Variants in KRT5 observed in about 807,000 individuals in gnomAD.
The protein encoded by KRT5 is keratin, type II cytoskeletal 5.
KRT5 carries 17 observed loss-of-function variants against 44.0 expected under a neutral mutation model. The ratio of observed to expected loss-of-function variants is 0.39; its 90% confidence interval spans 0.26 to 0.58. The LOEUF (loss-of-function observed/expected upper bound fraction) is 0.58. Ranked by LOEUF, KRT5 falls within the 20% of genes least tolerant of loss-of-function variation. The probability of loss-of-function intolerance (pLI) is 0.61; values close to 1 mark genes in which losing one functional copy is unlikely to be tolerated. For missense variants in KRT5, 737 were observed against 785.5 expected (o/e 0.94, Z 0.74); for synonymous variants, 329 against 312.8 (o/e 1.05, Z -0.55).
In KRT5 at chr12:52,520,192, C is replaced by T. The variant is rs764528228; in HGVS notation, c.105G>A (p.Val35=). Residue 35 remains valine (V), a synonymous_variant, in exon 1 of 9, where the codon GTG becomes GTA. Coordinates refer to ENST00000252242, the MANE Select transcript of KRT5 (RefSeq NM_000424.4). ...PSVSRTSFTS[V]SRSGGGGGGG... Reference sequence around the variant, plus strand: ...CACCACCGCCACCCCCGGACCGGGACACGGAGGTGAAGCTGGTGCGGGAGA... The same window carrying T: ...CACCACCGCCACCCCCGGACCGGGATACGGAGGTGAAGCTGGTGCGGGAGA... 6.2e-7 allele frequency: 1 copy of T among 1,614,088 alleles called. No homozygotes were observed. The highest frequency in any genetic ancestry group is 1.1e-5 in the South Asian group (1 of 91,076).
chr12:52,520,114 G>T lies in KRT5; in HGVS notation c.183C>A (p.Gly61=), dbSNP rs995777805. 2 of 1,614,048 alleles carry T rather than the reference G, an allele frequency of 1.2e-6. No individual in the cohort carries two copies. Among genetic ancestry groups the T allele is most frequent in the Non-Finnish European group, 1.7e-6 (2 of 1,179,974 alleles). ...LAGACGVGGY[G]SRSLYNLGGS... is the part of the protein sequence containing the mutation. ...CCCCCAGGTTGTAGAGGCTCCGGCTGCCATAGCCACCCACTCCACAAGCAC... is the reference window on the plus strand; with the variant it reads ...CCCCCAGGTTGTAGAGGCTCCGGCTTCCATAGCCACCCACTCCACAAGCAC... Residue 61 remains glycine (G), a synonymous_variant, in exon 1 of 9, where the codon GGC becomes GGA. Transcript: ENST00000252242.
Position 52,515,163 on chromosome 12 carries a change from C to A in KRT5, c.1552G>T (p.Gly518Cys), listed in dbSNP as rs370820008. ...CCGGCAAGACCTCCACCGAGGCCGC[C>A]GCCAAGACCTCCACCGAGGCCACCG... ...YGGGLGGGLG[G>C]GLGGGLAGGS... Residue 518 changes from glycine (G) to cysteine (C), a missense_variant, in exon 9 of 9, where the codon GGC becomes TGC. Around this residue, in one of 5 missense-constraint regions of KRT5, gnomAD observed 344 missense variants for 351.6 expected, o/e 0.98. Transcript: ENST00000252242. 10 of 1,610,588 alleles carry A rather than the reference C, an allele frequency of 6.2e-6. No homozygotes were observed. The East Asian group carries it at 1.1e-4, about 18-fold the overall frequency.
Position 52,514,624 on chromosome 12 carries a change from C to T in KRT5, c.*318G>A, listed in dbSNP as rs986670258. On this transcript the variant is annotated 3_prime_UTR_variant, in exon 9 of 9. Transcript: ENST00000252242. Reference sequence around the variant, plus strand: ...AACACATTCTGGAGGTAGTTAGAACCAAAACAAAATTTGGGATTGGGGTGG... The same window carrying T: ...AACACATTCTGGAGGTAGTTAGAACTAAAACAAAATTTGGGATTGGGGTGG... 4.9e-6 allele frequency: 2 copies of T among 404,468 alleles called. No homozygotes were observed. The highest frequency in any genetic ancestry group is 9.1e-5 in the South Asian group (2 of 21,880). 25.1% of individuals were successfully genotyped at this position (404,468 alleles called of 1,614,324 possible).
chr12:52,515,678 T>C (rs1167003425), intron 8 of KRT5, 120 bp downstream of exon 8: 10 of 835,994 alleles, frequency 1.2e-5, no homozygotes, highest in South Asian at 8.4e-5. Context: ...AAGTGTATTA[T>C]TATAAATAAC....
Position 52,516,739 on chromosome 12 carries a change from A to G in KRT5, c.1337T>C (p.Met446Thr). Residue 446 changes from methionine (M) to threonine (T), a missense_variant, in exon 7 of 9, where the codon ATG (methionine) becomes ACG (threonine). This residue lies in a region of KRT5 where 344 missense variants were observed against 351.6 expected (regional missense o/e 0.98). Transcript: ENST00000252242. ...EEALQKAKQD[M>T]ARLLREYQEL... is the part of the protein sequence containing the mutation. ...CTGGTACTCACGCAGCAGCCGGGCC[A>G]TGTCCTGCTTGGCCTTCTGCAGGGC... The G allele has an allele frequency of 1.9e-6, 3 of 1,614,196 alleles. No individual in the cohort carries two copies. The highest frequency in any genetic ancestry group is 1.7e-6 in the Non-Finnish European group (2 of 1,180,048).
chr12:52,516,346 T>A, intron 7 of KRT5: 2 of 454,078 alleles, frequency 4.4e-6, no homozygotes, highest in Non-Finnish European at 8.2e-6. Flanking sequence ...GATATTGAGG[T>A]TGAGCAAAGG....
chr12:52,519,107 C>A lies in KRT5; in HGVS notation c.609G>T (p.Leu203=). ...NKVLDTKWTL[L]QEQGTKTVRQ... ...TCACAGTCTTGGTGCCCTGCTCCTGCAGCAGGGTCCACTTGGTGTCCAGAA... is the reference window on the plus strand; with the variant it reads ...TCACAGTCTTGGTGCCCTGCTCCTGAAGCAGGGTCCACTTGGTGTCCAGAA... Residue 203 remains leucine (L), a synonymous_variant, in exon 2 of 9, where the codon CTG becomes CTT. Transcript: ENST00000252242. The A allele has an allele frequency of 1.2e-6, 2 of 1,614,226 alleles. No homozygotes were observed. Among genetic ancestry groups the A allele is most frequent in the East Asian group, 2.2e-5 (1 of 44,884 alleles).
chr12:52,517,253 G>T, intron 5 of KRT5, 21 bp from the exon 6 acceptor site: 1 of 1,613,890 alleles, frequency 6.2e-7, no homozygotes. Context: ...CAGGAAAGAG[G>T]AAAGATTCTG....
rs745936095 is a variant in KRT5, at chr12:52,518,201, T to TG, written c.771-39dup. ...GGGATGGGAAGTGTTTGTCAGAGGA[T>TG]GAGCAACAGGTAAGGGGTCTTTATT... On this transcript the variant is annotated intron_variant, in intron 2 of 8. Transcript: ENST00000252242. The TG allele has an allele frequency of 1.9e-6, 3 of 1,597,808 alleles. No individual in the cohort carries two copies. The East Asian group carries it at 6.7e-5, about 36-fold the overall frequency.
At position 52,517,239 on chromosome 12, in the gene KRT5, C is replaced by A. The variant is rs777490729; in HGVS notation, c.1093-7G>T. 50 of 1,613,966 alleles carry A rather than the reference C, an allele frequency of 3.1e-5. No individual in the cohort carries two copies. The highest frequency in any genetic ancestry group is 3.8e-5 in the Non-Finnish European group (45 of 1,180,030). ...TCTGCTGCAGCTCCTCATACTGATG[C>A]AGCCAGGAAAGAGGAAAGATTCTGT... On this transcript the variant is annotated splice_polypyrimidine_tract_variant and splice_region_variant and intron_variant, in intron 5 of 8. Coordinates refer to ENST00000252242, the MANE Select transcript of KRT5 (RefSeq NM_000424.4).
Position 52,517,055 on chromosome 12 carries a change from GT to G in KRT5, c.1218+51del, listed in dbSNP as rs1193081722. ...TAAAACAAAATAAAACAAAGTAGGT[GT>G]TTCTTTTAGAACTCAGGCCCCTTCC... On this transcript the variant is annotated intron_variant, in intron 6 of 8. Coordinates refer to ENST00000252242, the MANE Select transcript of KRT5 (RefSeq NM_000424.4). The G allele has an allele frequency of 1.9e-6, 3 of 1,608,754 alleles. No individual in the cohort carries two copies. In the East Asian group the frequency reaches 6.7e-5, roughly 36 times the overall value.
Position 52,515,172 on chromosome 12 carries a change from CT to C in KRT5, c.1542del (p.Gly515ValfsTer28). The stretch of plus-strand genomic sequence containing the variant: ...CCTCCACCGAGGCCGCCGCCAAGAC[CT>C]CCACCGAGGCCACCGCCATAGCCAC... ...SGSGYGGGLG[G>X]GLGGGLGGGL... On this transcript the variant is annotated frameshift_variant, in exon 9 of 9. Transcript: ENST00000252242. LOFTEE classifies it low-confidence loss of function (END_TRUNC). The C allele has an allele frequency of 1.2e-5, 19 of 1,612,610 alleles. No homozygotes were observed. Among genetic ancestry groups the C allele is most frequent in the Non-Finnish European group, 1.6e-5 (19 of 1,179,758 alleles).
rs577328983 is a variant in KRT5 at position 52,515,141 on chromosome 12, G to GCAAGACCTCCACCGAGGCCGCCGC, written c.1550_1573dup (p.Gly517_Leu524dup). 18 of 1,611,600 alleles carry GCAAGACCTCCACCGAGGCCGCCGC rather than the reference G, an allele frequency of 1.1e-5. No individual in the cohort carries two copies. In the South Asian group the frequency reaches 2.0e-4, roughly 18 times the overall value. On this transcript the variant is annotated inframe_insertion, in exon 9 of 9. Coordinates refer to ENST00000252242, the MANE Select transcript of KRT5 (RefSeq NM_000424.4). ...GTAGTAGCTTCCACTGCTACCTCCG[G>GCAAGACCTCCACCGAGGCCGCCGC]CAAGACCTCCACCGAGGCCGCCGCC... is the stretch of plus-strand genomic sequence containing the variant.
rs182482982 is a variant in KRT5 at position 52,515,039 on chromosome 12, C to T, written c.1676G>A (p.Arg559Gln). ...ACTGCCAAAGCCCACCCCCAGCCCT[C>T]GGCCACTGCTTGCACTGAAGCCAGA... The part of the protein sequence containing the change: ...GGSGFSASSG[R>Q]GLGVGFGSGG... Residue 559 changes from arginine to glutamine, a missense_variant, in exon 9 of 9, where the codon CGA (arginine) becomes CAA (glutamine). Arg to Gln is a conservative substitution (Grantham distance 43, BLOSUM62 1). Transcript: ENST00000252242. 12 of 1,612,282 alleles carry T rather than the reference C, an allele frequency of 7.4e-6. No homozygotes were observed. The East Asian group carries it at 1.3e-4, about 18-fold the overall frequency.
Position 52,517,948 on chromosome 12 carries a change from C to A in KRT5, c.876G>T (p.Lys292Asn). Residue 292 changes from lysine to asparagine, a missense_variant, in exon 4 of 9, where the codon AAG (lysine) becomes AAT (asparagine). By Grantham distance (94) the Lys-to-Asn change is moderately conservative. This residue lies in a region of KRT5 where 59 missense variants were observed against 62.5 expected (regional missense o/e 0.94). Coordinates refer to ENST00000252242, the MANE Select transcript of KRT5 (RefSeq NM_000424.4). Reference protein sequence around the residue: ...AYMNKVELEAKVDALMDEINF... With the variant: ...AYMNKVELEANVDALMDEINF... Reference sequence around the variant, plus strand: ...TAATCTCATCCATCAGTGCATCAACCTTGGCCTCCAGCTCCACCTTGTTCA... The same window carrying A: ...TAATCTCATCCATCAGTGCATCAACATTGGCCTCCAGCTCCACCTTGTTCA... The A allele has an allele frequency of 6.2e-7, 1 of 1,614,254 alleles. No individual in the cohort carries two copies. The highest frequency in any genetic ancestry group is 8.5e-7 in the Non-Finnish European group (1 of 1,180,038).
At chr12:52,518,070 G>A in intron 3 of KRT5, 33 bp downstream of exon 3, 2 of 1,612,526 alleles carry the variant, frequency 1.2e-6, no homozygotes, top group South Asian at 1.1e-5. Flanking sequence ...GAGCATAGCT[G>A]CAGGCTGCTG....
chr12:52,515,428 C>G, intron 8 of KRT5, 188 bp from the exon 9 acceptor site: 1 of 763,708 alleles, frequency 1.3e-6, no homozygotes, highest in Non-Finnish European at 2.2e-6. Context: ...AGGCAAGGTG[C>G]TAGGTACTGA....
At chr12:52,517,452 G>T in intron 5 of KRT5, 138 bp downstream of exon 5, 1 of 1,079,780 alleles carries the variant, frequency 9.3e-7, no homozygotes. Context: ...GATGGAAATT[G>T]TCTACACAGC....
rs759872510 is a variant in KRT5 at position 52,517,245 on chromosome 12, G to A, written c.1093-13C>T. ...GCAGCTCCTCATACTGATGCAGCCAGGAAAGAGGAAAGATTCTGTTTATAT... is the reference window on the plus strand; with the variant it reads ...GCAGCTCCTCATACTGATGCAGCCAAGAAAGAGGAAAGATTCTGTTTATAT... On this transcript the variant is annotated splice_polypyrimidine_tract_variant and intron_variant, in intron 5 of 8. Coordinates refer to ENST00000252242, the MANE Select transcript of KRT5 (RefSeq NM_000424.4). 1.9e-6 allele frequency: 3 copies of A among 1,613,864 alleles called. No individual in the cohort carries two copies. Among genetic ancestry groups the A allele is most frequent in the Non-Finnish European group, 1.7e-6 (2 of 1,180,024 alleles).
Sources: gnomAD v4.1 joint callset for allele counts on GRCh38, gnomAD v4.1.1 for gene constraint, gnomAD v4.1.1 regional missense constraint, MANE v1.5 for transcripts, NCBI Gene and HGNC (gene_info 2026-07-23, HGNC 2026-07-21) for gene names.